The following C1orf198 variants were observed in gnomAD, a reference collection of about 807,000 sequenced individuals.
C1orf198 encodes the protein uncharacterized protein C1orf198.
Under a neutral mutation model 31.4 loss-of-function variants are expected in C1orf198, and 17 were observed. That is an observed-to-expected ratio of 0.54 (90% CI 0.37 to 0.81). The LOEUF is 0.81. C1orf198 is among the 40% of genes least tolerant of loss of function. C1orf198 has a pLI of 0.00. For missense variants in C1orf198, 401 were observed against 450.3 expected (o/e 0.89, Z 0.99); for synonymous variants, 175 against 193.8 (o/e 0.90, Z 0.81).
Position 230,839,492 on chromosome 1 carries a change from A to T in C1orf198, c.*360T>A, listed in dbSNP as rs1669390023. On this transcript the variant is annotated 3_prime_UTR_variant, in exon 4 of 4. Coordinates refer to ENST00000366663, the MANE Select transcript of C1orf198 (RefSeq NM_032800.3). Reference sequence around the variant, plus strand: ...GAGGGGGGAGGGGGAATAATGGAGAAGGAGATGGAAATCACTTATATGATT... The same window carrying T: ...GAGGGGGGAGGGGGAATAATGGAGATGGAGATGGAAATCACTTATATGATT... 1 of 223,862 alleles carries T rather than the reference A, an allele frequency of 4.5e-6. No individual in the cohort carries two copies. The highest frequency in any genetic ancestry group is 2.4e-5 in the African/African-American group (1 of 42,068). 13.9% of individuals were successfully genotyped at this position (223,862 alleles called of 1,614,324 possible).
chr1:230,851,967 C>T lies in C1orf198; in HGVS notation c.384+3701G>A, dbSNP rs528740745. 5.6e-4 allele frequency among the ~76,000 whole-genome samples: 85 copies of T among 152,298 alleles called. No individual in the cohort carries two copies. The Middle Eastern group carries it at 0.01, about 18-fold the overall frequency. ...TTGGGTGAGAAACCAAAAATCCCTG[C>T]GATTCTTAACTCTGCCCATGGCCAT... On this transcript the variant is annotated intron_variant, in intron 2 of 3. Transcript: ENST00000366663.
intron 1 of C1orf198, among the ~76,000 whole-genome samples, chr1:230,856,823 C>T (rs756371552): frequency 7.9e-5 from 12 of 152,208 alleles, no homozygotes; most frequent in Non-Finnish European, 1.0e-4. Flanking sequence ...TTATGTCCTT[C>T]CGTAAGTATC....
At chr1:230,856,071 G>T in intron 1 of C1orf198, 1 of 878,948 alleles carries the variant, frequency 1.1e-6, no homozygotes, top group Non-Finnish European at 1.4e-6. Context: ...ATGATTAGCT[G>T]TGTGGCCATG....
chr1:230,851,314 G>C (rs1669736963), intron 2 of C1orf198, among the ~76,000 whole-genome samples: 1 of 152,106 alleles, frequency 6.6e-6, no homozygotes, highest in Admixed American at 6.5e-5. Flanking sequence ...GGCAAGGCTG[G>C]GGACAGGGTC....
chr1:230,855,331 GA>G (rs2102986415), intron 2 of C1orf198, among the ~76,000 whole-genome samples: 1 of 152,344 alleles, frequency 6.6e-6, no homozygotes, highest in East Asian at 1.9e-4. Context: ...TAAGTGCTGG[GA>G]ACCAGAGGTA....
Position 230,837,901 on chromosome 1 carries a change from G to A in C1orf198, c.*1951C>T, listed in dbSNP as rs893803254. The A allele has an allele frequency of 9.2e-5, 14 of 152,188 alleles. No individual in the cohort carries two copies. The highest frequency in any genetic ancestry group is 3.4e-4 in the African/African-American group (14 of 41,444). The allele number at this position is 152,188 out of a possible 1,614,324, so 9.4% of individuals were successfully genotyped here. A position where few individuals can be genotyped will look rare whatever the true frequency, so the allele number is the denominator to read the frequency against. On this transcript the variant is annotated 3_prime_UTR_variant, in exon 4 of 4. Transcript: ENST00000366663. ...CAAGAAGAACTTGGAGGGAATATTG[G>A]GCTTGTTGAGAAAGTGGGAAAGAAA...
intron 2 of C1orf198, among the ~76,000 whole-genome samples, chr1:230,849,456 G>A (rs915168320): frequency 7.2e-5 from 11 of 152,178 alleles, no homozygotes; most frequent in Non-Finnish European, 1.5e-4. Flanking sequence ...CCCTCCTGAC[G>A]GCAACACTGA....
intron 1 of C1orf198, among the ~76,000 whole-genome samples, chr1:230,862,324 T>C (rs1462754110): frequency 6.6e-6 from 1 of 152,232 alleles, no homozygotes; most frequent in African/African-American, 2.4e-5. Flanking sequence ...TCTATATTTA[T>C]TCCTCCACAA....
At chr1:230,859,085 C>A (rs2102989557) in intron 1 of C1orf198, among the ~76,000 whole-genome samples, 1 of 152,258 alleles carries the variant, frequency 6.6e-6, no homozygotes, top group East Asian at 1.9e-4. Flanking sequence ...CAAAAATAAA[C>A]ATGCCAAACA....
At chr1:230,865,511 G>A (rs1183497704) in intron 1 of C1orf198, among the ~76,000 whole-genome samples, 1 of 152,192 alleles carries the variant, frequency 6.6e-6, no homozygotes, top group Non-Finnish European at 1.5e-5. Context: ...TATTTGCTCT[G>A]TTGATTTCCA....
intron 2 of C1orf198, among the ~76,000 whole-genome samples, chr1:230,845,671 G>A (rs1049841739): frequency 6.6e-6 from 1 of 150,560 alleles, no homozygotes; most frequent in Non-Finnish European, 1.5e-5. Context: ...CAACAAGAAT[G>A]AAACTCCATT....
chr1:230,839,955 C>T (rs1354071627), intron 3 of C1orf198, 47 bp from the exon 4 acceptor site: 1 of 1,525,338 alleles, frequency 6.6e-7, no homozygotes, highest in African/African-American at 1.4e-5. Flanking sequence ...CTCTTTTTTT[C>T]AGTTACGTAT....
intron 1 of C1orf198, 73 bp from the exon 2 acceptor site, chr1:230,855,791 C>T (rs1037877962): frequency 2.6e-6 from 4 of 1,560,222 alleles, no homozygotes; most frequent in African/African-American, 2.7e-5. Flanking sequence ...CACCCAGGAC[C>T]GTGGGGGAAC....
At chr1:230,846,886 G>C (rs369193274) in intron 2 of C1orf198, among the ~76,000 whole-genome samples, 1 of 152,018 alleles carries the variant, frequency 6.6e-6, no homozygotes, top group Non-Finnish European at 1.5e-5. Flanking sequence ...GGCGGATCAC[G>C]AGGTCAGGAG....
rs375329834 is a variant in C1orf198, at chr1:230,843,380, G to A, written c.901C>T (p.Leu301=). 7.7e-6 allele frequency: 12 copies of A among 1,558,512 alleles called. No homozygotes were observed. The highest frequency in any genetic ancestry group is 2.7e-5 in the African/African-American group (2 of 73,364). ...DVRQDDGEDT[L]FSEPKFAQVS... ...TGTGCAAACTTGGGTTCCGAGAACA[G>A]GGTGTCTTCCCCATCGTCCTGCCTG... The change falls in exon 3 of 4, where the codon CTG becomes TTG. Residue 301 remains leucine, a synonymous_variant. Transcript: ENST00000366663. The surrounding 1 kb of genome is among the most constrained non-coding windows in gnomAD (Gnocchi z 4.9).
In C1orf198 at chr1:230,857,479, T is replaced by G. The variant is rs1349471357; in HGVS notation, c.334-1761A>C. 6.6e-6 allele frequency among the ~76,000 whole-genome samples: 1 copy of G among 152,230 alleles called. No individual in the cohort carries two copies. The highest frequency in any genetic ancestry group is 1.5e-5 in the Non-Finnish European group (1 of 68,040). ...CTTCCCAATGTGGGGGCACAGGCTC[T>G]TCACAGCTCTTGGCCCCAGGAGGAA... On this transcript the variant is annotated intron_variant, in intron 1 of 3. Coordinates refer to ENST00000366663, the MANE Select transcript of C1orf198 (RefSeq NM_032800.3). The surrounding 1 kb of genome is among the most constrained non-coding windows in gnomAD (Gnocchi z 4.2).
At chr1:230,860,881 T>C (rs541746453) in intron 1 of C1orf198, among the ~76,000 whole-genome samples, 49 of 152,310 alleles carry the variant, frequency 3.2e-4, no homozygotes, top group African/African-American at 1.1e-3. Context: ...ACGGTAAATT[T>C]TATGTTGTAT....
intron 2 of C1orf198, among the ~76,000 whole-genome samples, chr1:230,850,954 C>G (rs1669724779): frequency 6.6e-6 from 1 of 152,158 alleles, no homozygotes; most frequent in Non-Finnish European, 1.5e-5. Context: ...CCCACTCGAC[C>G]TGCCAGGCAC....
intron 1 of C1orf198, among the ~76,000 whole-genome samples, chr1:230,858,452 C>T (rs964672003): frequency 3.3e-5 from 5 of 152,210 alleles, no homozygotes; most frequent in Non-Finnish European, 5.9e-5. Context: ...GCCTCCACAC[C>T]CCACACTCAC....
Sources: gnomAD v4.1 joint callset for allele counts (sites outside exome capture counted in the v4.1 genomes callset) on GRCh38, gnomAD v4.1.1 for gene constraint, Gnocchi (gnomAD v3.1) non-coding constraint, MANE v1.5 for transcripts, NCBI Gene and HGNC (gene_info 2026-07-23, HGNC 2026-07-21) for gene names.